Variants in MAP3K21 observed in about 807,000 individuals in gnomAD.
MAP3K21 encodes the protein mitogen-activated protein kinase kinase kinase MLK4.
In MAP3K21, 63 loss-of-function variants were observed where a neutral mutation model predicts 86.1. The ratio of observed to expected loss-of-function variants is 0.73; its 90% CI spans 0.60 to 0.90. The LOEUF (loss-of-function observed/expected upper bound fraction) is 0.90, where lower values mean the gene tolerates loss of function less well. Ranked by LOEUF, MAP3K21 falls within the 40% of genes least tolerant of loss-of-function variation. The pLI, the probability that MAP3K21 is intolerant of heterozygous loss-of-function variation, is 0.00. For synonymous variants in MAP3K21, 558 were observed against 564.8 expected (o/e 0.99, Z 0.17); for missense variants, 1,220 against 1,367.7 (o/e 0.89, Z 1.70).
intron 2 of MAP3K21, among the ~76,000 whole-genome samples, chr1:233,348,809 A>G (rs1663195783): frequency 6.6e-6 from 1 of 152,112 alleles, no homozygotes; most frequent in African/African-American, 2.4e-5. Flanking sequence ...ACTTGCTAAG[A>G]GTCCAGTACT....
chr1:233,380,874 ACTC>A (rs1663900108), intron 9 of MAP3K21, among the ~76,000 whole-genome samples: 1 of 151,944 alleles, frequency 6.6e-6, no homozygotes, highest in African/African-American at 2.4e-5. Flanking sequence ...ACAGTGTCTC[ACTC>A]CTCCTCACTG....
chr1:233,343,424 G>A (rs908482225), intron 1 of MAP3K21, among the ~76,000 whole-genome samples: 2 of 152,164 alleles, frequency 1.3e-5, no homozygotes, highest in African/African-American at 4.8e-5. Context: ...AAGCAAGGAA[G>A]CAGAAGCACA....
rs1206559424 is a variant in MAP3K21 at position 233,372,070 on chromosome 1, C to T, written c.1585C>T (p.Pro529Ser). 2 of 1,614,124 alleles carry T rather than the reference C, an allele frequency of 1.2e-6. No individual in the cohort carries two copies. The change falls in exon 6 of 10, where the codon CCC becomes TCC. Residue 529 changes from proline (P) to serine (S), a missense_variant. Physicochemically the swap from Pro to Ser is moderately conservative, Grantham distance 74. This residue lies in a region of MAP3K21 where 632 missense variants were observed against 691.3 expected (regional missense o/e 0.91). Coordinates refer to ENST00000366624, the MANE Select transcript of MAP3K21 (RefSeq NM_032435.3). Reference sequence around the variant, plus strand: ...GCACAAGATAACCGTGCAGGCCTCTCCCAACTTGGACAAACGGCGGAGCCT... The same window carrying T: ...GCACAAGATAACCGTGCAGGCCTCTTCCAACTTGGACAAACGGCGGAGCCT... ...FQHKITVQASPNLDKRRSLNS... is the reference protein window; with the variant it reads ...FQHKITVQASSNLDKRRSLNS...
At chr1:233,355,942 G>T (rs542773021) in intron 4 of MAP3K21, among the ~76,000 whole-genome samples, 2 of 151,900 alleles carry the variant, frequency 1.3e-5, no homozygotes, top group East Asian at 3.9e-4. Context: ...CCACTTTTTT[G>T]CCATGTTCAC....
At chr1:233,348,090 A>G (rs1410061553) in intron 2 of MAP3K21, among the ~76,000 whole-genome samples, 1 of 152,158 alleles carries the variant, frequency 6.6e-6, no homozygotes, top group Admixed American at 6.5e-5. Flanking sequence ...AGTTGATTGT[A>G]GAACATTTTC....
In MAP3K21 at chr1:233,379,393, C is replaced by T. The variant is rs1425854465; in HGVS notation, c.2387C>T (p.Ser796Leu). The T allele has an allele frequency of 1.9e-6, 3 of 1,614,104 alleles. No individual in the cohort carries two copies. In the African/African-American group the frequency reaches 4.0e-5, roughly 22 times the overall value. The change falls in exon 9 of 10, where the codon TCA (serine) becomes TTA (leucine). Residue 796 changes from serine (S) to leucine (L), a missense_variant. Ser to Leu is a moderately radical substitution (Grantham distance 145). Around this residue, in one of 5 missense-constraint regions of MAP3K21, gnomAD observed 632 missense variants for 691.3 expected, o/e 0.91. Coordinates refer to ENST00000366624, the MANE Select transcript of MAP3K21 (RefSeq NM_032435.3). ...EASSPPSLPL[S>L]SALGILSTPS... ...AGCAGCCCACCCTCCCTGCCACTGT[C>T]AAGTGCCCTGGGCATCCTCTCCACA...
Position 233,353,809 on chromosome 1 carries a change from A to G in MAP3K21, c.989A>G (p.Tyr330Cys). ...LFSKGSDIWS[Y>C]GVLLWELLTG... ...CATATGAAATCCTTGCTTTCTAGCT[A>G]TGGAGTGCTGCTGTGGGAACTGCTC... The change falls in exon 3 of 10, where the codon TAT (tyrosine) becomes TGT (cysteine). Residue 330 changes from tyrosine (Y) to cysteine (C), a missense_variant and splice_region_variant. By Grantham distance (194) the Tyr-to-Cys change is radical (BLOSUM62 -2). This residue lies in a region of MAP3K21 where 89 missense variants were observed against 144.8 expected (regional missense o/e 0.61). Transcript: ENST00000366624. 6.3e-7 allele frequency: 1 copy of G among 1,582,032 alleles called. No individual in the cohort carries two copies. The highest frequency in any genetic ancestry group is 8.6e-7 in the Non-Finnish European group (1 of 1,167,338).
chr1:233,347,714 C>T (rs891099398), intron 2 of MAP3K21, among the ~76,000 whole-genome samples: 3 of 152,026 alleles, frequency 2.0e-5, no homozygotes, highest in African/African-American at 4.8e-5. Context: ...CAACAGTAGA[C>T]GCTGGGGACT....
chr1:233,339,279 C>G (rs1484120723), intron 1 of MAP3K21, among the ~76,000 whole-genome samples: 25 of 103,972 alleles, frequency 2.4e-4, no homozygotes, highest in East Asian at 3.6e-4. Context: ...TCTTCTTCTT[C>G]TTCTTCTTCT....
intron 5 of MAP3K21, 76 bp downstream of exon 5, chr1:233,362,369 C>A: frequency 6.6e-7 from 1 of 1,512,296 alleles, no homozygotes; most frequent in Non-Finnish European, 9.0e-7. Context: ...TTCATCAGAA[C>A]CAGGAAAGAG....
intron 5 of MAP3K21, 69 bp downstream of exon 5, chr1:233,362,362 A>T: frequency 3.9e-6 from 6 of 1,544,068 alleles, no homozygotes; most frequent in Non-Finnish European, 5.3e-6. Context: ...TTCTTTGTTC[A>T]TCAGAACCAG....
chr1:233,376,057 G>T lies in MAP3K21; in HGVS notation c.1817G>T (p.Cys606Phe). 4 of 1,602,804 alleles carry T rather than the reference G, an allele frequency of 2.5e-6. No homozygotes were observed. The highest frequency in any genetic ancestry group is 3.4e-6 in the Non-Finnish European group (4 of 1,177,414). Residue 606 changes from cysteine to phenylalanine, a missense_variant, in exon 7 of 10, where the codon TGC becomes TTC. By Grantham distance (205) the Cys-to-Phe change is radical. Coordinates refer to ENST00000366624, the MANE Select transcript of MAP3K21 (RefSeq NM_032435.3). The stretch of plus-strand genomic sequence containing the variant: ...ATTCAAATGAAAGATAGAACAGATT[G>T]CAAAGAAAGGTACGTGTGTGGTATC... ...NSIQMKDRTD[C>F]KERIRPLSDG... is the part of the protein sequence containing the mutation.
At chr1:233,374,499 G>A (rs1050074982) in intron 6 of MAP3K21, among the ~76,000 whole-genome samples, 5 of 152,096 alleles carry the variant, frequency 3.3e-5, no homozygotes, top group East Asian at 1.9e-4. Context: ...GCACAGACAC[G>A]TGTATATACA....
intron 1 of MAP3K21, among the ~76,000 whole-genome samples, chr1:233,336,011 C>G (rs1662905048): frequency 6.6e-6 from 1 of 152,156 alleles, no homozygotes; most frequent in Non-Finnish European, 1.5e-5. Flanking sequence ...CTTTGAGAAC[C>G]TCTAGGCTAA....
intron 2 of MAP3K21, among the ~76,000 whole-genome samples, chr1:233,350,260 A>G (rs1346708151): frequency 6.6e-6 from 1 of 151,814 alleles, no homozygotes; most frequent in Non-Finnish European, 1.5e-5. Context: ...TTTTTTCTGA[A>G]TATTTTCCAC....
At position 233,383,008 on chromosome 1, in the gene MAP3K21, G is replaced by A. The variant is rs79919140; in HGVS notation, c.*297G>A. ...CCTTCAGCACAATGTTAATGTTTTT[G>A]TTCTCATTTATGCCTTTGTCCATTT... On this transcript the variant is annotated 3_prime_UTR_variant, in exon 10 of 10. Transcript: ENST00000366624. 8,307 of 219,286 alleles carry A rather than the reference G, an allele frequency of 0.038. 619 individuals carry two copies. Among genetic ancestry groups the A allele is most frequent in the African/African-American group, 0.17 (7,507 of 44,164 alleles). 13.6% of individuals were successfully genotyped at this position (219,286 alleles called of 1,614,324 possible).
rs888384759 is a variant in MAP3K21 at position 233,384,515 on chromosome 1, A to G, written c.*1804A>G. On this transcript the variant is annotated 3_prime_UTR_variant, in exon 10 of 10. Transcript: ENST00000366624. ...CCAAAATGTTATCACATTTGAAACT[A>G]TGATTGCTTTGTGTTCAGTCCTTTT... is the stretch of plus-strand genomic sequence containing the variant. The G allele has an allele frequency of 5.9e-5, 9 of 152,226 alleles. No homozygotes were observed. The highest frequency in any genetic ancestry group is 2.2e-4 in the African/African-American group (9 of 41,466). 9.4% of individuals were successfully genotyped at this position (152,226 alleles called of 1,614,324 possible). A position where few individuals can be genotyped will look rare whatever the true frequency, so the allele number is the denominator to read the frequency against.
intron 1 of MAP3K21, 134 bp from the exon 2 acceptor site, chr1:233,346,308 A>G (rs1663138132): frequency 4.5e-6 from 3 of 672,324 alleles, no homozygotes; most frequent in Non-Finnish European, 7.4e-6. Flanking sequence ...TGCTGTAAGT[A>G]AAATGGTAAA....
At chr1:233,347,662 AAGTAGG>A (rs1392932847) in intron 2 of MAP3K21, among the ~76,000 whole-genome samples, 3 of 152,190 alleles carry the variant, frequency 2.0e-5, no homozygotes, top group Non-Finnish European at 4.4e-5. Flanking sequence ...TCTCACTTAT[AAGTAGG>A]AGCTTAACAT....
Sources: allele counts gnomAD v4.1 joint callset (sites outside exome capture counted in the v4.1 genomes callset), GRCh38; gene constraint gnomAD v4.1.1; regional missense constraint gnomAD v4.1.1; transcripts MANE v1.5; gene names NCBI Gene and HGNC (gene_info 2026-07-23, HGNC 2026-07-21).